The following ATP8B4 variants were observed in gnomAD, a reference collection of about 807,000 sequenced individuals.
ATP8B4 encodes probable phospholipid-transporting ATPase IM.
ATP8B4 carries 133 observed loss-of-function variants against 145.6 expected under a neutral mutation model. The ratio of observed to expected loss-of-function variants is 0.91; its 90% CI spans 0.79 to 1.05. The LOEUF is 1.05. Ranked by LOEUF, ATP8B4 falls within the 50% of genes least tolerant of loss-of-function variation. The pLI is 0.00. For missense variants in ATP8B4, 1,458 were observed against 1,425.2 expected, an observed-to-expected ratio of 1.02 and a Z score of -0.37; for synonymous variants, 507 against 492.9, an observed-to-expected ratio of 1.03 and a Z score of -0.38.
At chr15:50,122,139 AAG>A (rs2057276129), upstream of ATP8B4, among the ~76,000 whole-genome samples, 1 of 152,182 alleles carries the variant, frequency 6.6e-6, no homozygotes, top group Admixed American at 6.6e-5. Context: ...ATAGCTAAGA[AAG>A]CCAATGAATT....
chr15:50,116,660 G>A (rs944826186), intron 1 of ATP8B4, among the ~76,000 whole-genome samples: 4 of 152,138 alleles, frequency 2.6e-5, no homozygotes, highest in African/African-American at 9.7e-5. Context: ...CAGAGCTCTA[G>A]AGGGCGCTCA....
At chr15:49,875,094 C>G (rs4775843) in intron 25 of ATP8B4, among the ~76,000 whole-genome samples, 152,318 of 152,324 alleles carry the variant, frequency 1, 76,156 homozygotes, top group Middle Eastern at 1. Context: ...ACACACACAT[C>G]TATCCATGTA....
chr15:50,009,575 T>C, intron 7 of ATP8B4: 2 of 397,746 alleles, frequency 5.0e-6, no homozygotes, highest in Middle Eastern at 3.6e-4. Context: ...CTCTCCCAGT[T>C]CCCCATCTAG....
intron 8 of ATP8B4, among the ~76,000 whole-genome samples, chr15:50,000,985 A>T (rs957278263): frequency 6.6e-6 from 1 of 151,716 alleles, no homozygotes; most frequent in Non-Finnish European, 1.5e-5. Flanking sequence ...TTTCTTTTTT[A>T]CCTTTATAAT....
chr15:49,871,483 A>G (rs2033656904), intron 25 of ATP8B4, among the ~76,000 whole-genome samples: 1 of 152,190 alleles, frequency 6.6e-6, no homozygotes, highest in Admixed American at 6.5e-5. Context: ...TTACTGCATA[A>G]TGGCATCATG....
chr15:49,987,195 C>G (rs186884166), intron 10 of ATP8B4, among the ~76,000 whole-genome samples, 196 bp downstream of exon 10: 1 of 152,298 alleles, frequency 6.6e-6, no homozygotes, highest in Admixed American at 6.5e-5. Context: ...GTTCCTCATA[C>G]AGCAGGGGCC....
At position 49,990,871 on chromosome 15, in the gene ATP8B4, G is replaced by GT. The variant is rs570629931; in HGVS notation, c.590-3323dup. 5.7e-3 allele frequency among the ~76,000 whole-genome samples: 862 copies of GT among 152,250 alleles called. 8 individuals are homozygous for GT. Among genetic ancestry groups the GT allele is most frequent in the African/African-American group, 0.02 (822 of 41,542 alleles). On this transcript the variant is annotated intron_variant, in intron 9 of 27. Transcript: ENST00000284509. ...TGTTCAAGAATTTCTCTAGCCAAGA[G>GT]TTTTTTTAGCGTTTTAGAGATTGCC...
chr15:49,978,739 TACACACACACACACACACACAC>T (rs60436585), intron 12 of ATP8B4, among the ~76,000 whole-genome samples: 18 of 122,786 alleles, frequency 1.5e-4, no homozygotes, highest in African/African-American at 4.3e-4. Context: ...CTTTATCAAA[TACACACACACACACACACACAC>T]ACACACACAC....
At chr15:50,090,656 A>G (rs2055551497) in intron 2 of ATP8B4, among the ~76,000 whole-genome samples, 1 of 152,230 alleles carries the variant, frequency 6.6e-6, no homozygotes, top group South Asian at 2.1e-4. Context: ...TTTTTAAAAA[A>G]GTGAATGAAT....
At chr15:49,932,255 T>C (rs923010711) in intron 15 of ATP8B4, among the ~76,000 whole-genome samples, 1 of 151,892 alleles carries the variant, frequency 6.6e-6, no homozygotes, top group African/African-American at 2.4e-5. Flanking sequence ...TTCTTGAATA[T>C]ATGTATATAT....
intron 13 of ATP8B4, among the ~76,000 whole-genome samples, chr15:49,962,544 A>G (rs2044174436): frequency 6.6e-6 from 1 of 152,224 alleles, no homozygotes; most frequent in African/African-American, 2.4e-5. Flanking sequence ...GAAATTTAAA[A>G]TAACTTTTTT....
At position 49,950,619 on chromosome 15, in the gene ATP8B4, CAAAA is replaced by C. The variant is rs748025885; in HGVS notation, c.1287+11354_1287+11357del. 2.7e-5 allele frequency among the ~76,000 whole-genome samples: 3 copies of C among 109,954 alleles called. 1 individual carries two copies. The highest frequency in any genetic ancestry group is 1.2e-4 in the African/African-American group (3 of 25,872). 72.1% of individuals were successfully genotyped at this position (109,954 alleles called of 152,430 possible). Reference sequence around the variant, plus strand: ...AAAAAAAAACAAACAAACAAACAAACAAAAAAAACAACAACAACAACAAAAAACC... The same window carrying C: ...AAAAAAAAACAAACAAACAAACAAACAAAACAACAACAACAACAAAAAACC... On this transcript the variant is annotated intron_variant, in intron 14 of 27. Coordinates refer to ENST00000284509, the MANE Select transcript of ATP8B4 (RefSeq NM_024837.4).
chr15:49,920,211 T>G lies in ATP8B4; in HGVS notation c.1923+35A>C. The G allele has an allele frequency of 1.9e-6, 3 of 1,606,726 alleles. No homozygotes were observed. In the South Asian group the frequency reaches 3.3e-5, roughly 18 times the overall value. The stretch of plus-strand genomic sequence containing the variant: ...ATCTCTAAACACATACTATCTTTCC[T>G]GTAAACACAAACCATCATGCTTCTA... On this transcript the variant is annotated intron_variant, in intron 18 of 27. Transcript: ENST00000284509.
In ATP8B4 at chr15:49,972,769, T is replaced by A. The variant is rs751713889; in HGVS notation, c.1056A>T (p.Gly352=). 1 of 1,613,904 alleles carries A rather than the reference T, an allele frequency of 6.2e-7. No individual in the cohort carries two copies. Among genetic ancestry groups the A allele is most frequent in the Non-Finnish European group, 8.5e-7 (1 of 1,179,920 alleles). The change falls in exon 13 of 28, where the codon GGA becomes GGT. Residue 352 remains glycine (G), a synonymous_variant. Transcript: ENST00000284509. ...LYVSVEVIRL[G]HSYFINWDRK... is the part of the protein sequence containing the mutation. ...GGTCCCAGTTTATAAAATAACTGTG[T>A]CCTAGACGAATTACTTCCACACTAT...
chr15:49,898,045 C>A lies in ATP8B4; in HGVS notation c.2473+23G>T, dbSNP rs772208640. 4 of 1,612,604 alleles carry A rather than the reference C, an allele frequency of 2.5e-6. No individual in the cohort carries two copies. The African/African-American group carries it at 4.0e-5, about 16-fold the overall frequency. On this transcript the variant is annotated intron_variant, in intron 22 of 27. Transcript: ENST00000284509. ...GAGGACCCCATGTATGCAGCATACC[C>A]CATTGAGCAAATATCCTCTTACTTT... is the stretch of plus-strand genomic sequence containing the variant.
intron 5 of ATP8B4, among the ~76,000 whole-genome samples, chr15:50,039,371 A>G (rs1271139957): frequency 6.6e-6 from 1 of 152,224 alleles, no homozygotes; most frequent in Admixed American, 6.5e-5. Context: ...ACTGAAACAC[A>G]TTTGGTGTAG....
intron 6 of ATP8B4, among the ~76,000 whole-genome samples, chr15:50,029,238 T>TAAAAAAA (rs58363112): frequency 0.025 from 1,917 of 76,442 alleles, 113 homozygotes; most frequent in East Asian, 0.091. Flanking sequence ...GACTCCATCT[T>TAAAAAAA]AAAAAAAAAA....
At chr15:50,118,513 C>T (rs2057218984) in intron 1 of ATP8B4, among the ~76,000 whole-genome samples, 1 of 152,184 alleles carries the variant, frequency 6.6e-6, no homozygotes, top group South Asian at 2.1e-4. Context: ...TCTAACAAGA[C>T]TTCAGCTTCC....
In ATP8B4 at chr15:50,066,495, T is replaced by C. The variant is rs148156695; in HGVS notation, c.87+7632A>G. 3.9e-5 allele frequency among the ~76,000 whole-genome samples: 6 copies of C among 152,286 alleles called. No homozygotes were observed. In the East Asian group the frequency reaches 1.2e-3, roughly 29 times the overall value. On this transcript the variant is annotated intron_variant, in intron 3 of 27. Coordinates refer to ENST00000284509, the MANE Select transcript of ATP8B4 (RefSeq NM_024837.4). ...GCCCCATAGGTGAGGATCTGCATCA[T>C]GTGGGCAGTACAGCTATGCTGCTCA...
Sources: gnomAD v4.1 joint callset for allele counts (sites outside exome capture counted in the v4.1 genomes callset) on GRCh38, gnomAD v4.1.1 for gene constraint, MANE v1.5 for transcripts, NCBI Gene and HGNC (gene_info 2026-07-23, HGNC 2026-07-21) for gene names.